Variants in ENOX1 observed in about 807,000 individuals in gnomAD.
ENOX1 encodes the protein candidate growth-related and time keeping constitutive hydroquinone (NADH) oxidase.
In ENOX1, 42 loss-of-function variants were observed where a neutral mutation model predicts 82.5. The observed-to-expected ratio is 0.51, with a 90% CI of 0.40 to 0.66. The LOEUF (loss-of-function observed/expected upper bound fraction) is 0.66. ENOX1 is among the 30% of genes least tolerant of loss of function. ENOX1 has a pLI of 0.00. For missense variants in ENOX1, 608 were observed against 811.6 expected (o/e 0.75, Z 3.05); for synonymous variants, 271 against 282.2 (o/e 0.96, Z 0.40).
intron 1 of ENOX1, among the ~76,000 whole-genome samples, chr13:43,714,616 T>C (rs572235046): frequency 6.6e-6 from 1 of 152,358 alleles, no homozygotes; most frequent in African/African-American, 2.4e-5. Flanking sequence ...GGTGCATATA[T>C]ATTTAGGACA....
chr13:43,729,020 A>AAT (rs2089165435), intron 1 of ENOX1, among the ~76,000 whole-genome samples: 1 of 152,198 alleles, frequency 6.6e-6, no homozygotes, highest in Admixed American at 6.5e-5. Context: ...TTTGATCAAT[A>AAT]ATAATAACCA....
chr13:43,634,532 T>C (rs899809502), intron 2 of ENOX1, among the ~76,000 whole-genome samples: 5 of 152,162 alleles, frequency 3.3e-5, no homozygotes, highest in Non-Finnish European at 7.3e-5. Context: ...TGCAACAATA[T>C]ATGGAACAGG....
At chr13:43,286,471 A>C (rs769923715) in intron 12 of ENOX1, among the ~76,000 whole-genome samples, 5 of 152,206 alleles carry the variant, frequency 3.3e-5, no homozygotes, top group Non-Finnish European at 7.3e-5. Flanking sequence ...ATGGAAGTCT[A>C]CTGGAGAGTC....
chr13:43,683,158 G>T (rs1298174833), intron 1 of ENOX1, among the ~76,000 whole-genome samples: 1 of 152,124 alleles, frequency 6.6e-6, no homozygotes, highest in Non-Finnish European at 1.5e-5. Flanking sequence ...AAGACTGACT[G>T]TTGTGTAGTA....
chr13:43,784,139 T>C (rs1190608566), intron 1 of ENOX1, among the ~76,000 whole-genome samples: 1 of 152,222 alleles, frequency 6.6e-6, no homozygotes, highest in Non-Finnish European at 1.5e-5. Flanking sequence ...CAATAACATA[T>C]ATACGAATAA....
chr13:43,602,895 T>C (rs1442680235), intron 2 of ENOX1, among the ~76,000 whole-genome samples: 1 of 152,140 alleles, frequency 6.6e-6, no homozygotes, highest in Non-Finnish European at 1.5e-5. Flanking sequence ...ATGGAAACAA[T>C]TGACAGTGTA....
At chr13:43,393,253 ATGGGTAT>A (rs2052911986) in intron 5 of ENOX1, among the ~76,000 whole-genome samples, 2 of 152,214 alleles carry the variant, frequency 1.3e-5, no homozygotes, top group South Asian at 4.1e-4. Context: ...GCTACCTGCT[ATGGGTAT>A]TTAGGCCTAA....
intron 3 of ENOX1, among the ~76,000 whole-genome samples, chr13:43,421,459 C>A (rs1290516589): frequency 1.3e-5 from 2 of 152,118 alleles, no homozygotes; most frequent in Admixed American, 1.3e-4. Context: ...AGTTACATCC[C>A]AATGGAGTTA....
At chr13:43,367,308 C>G (rs2050913869) in intron 5 of ENOX1, among the ~76,000 whole-genome samples, 1 of 152,172 alleles carries the variant, frequency 6.6e-6, no homozygotes, top group Non-Finnish European at 1.5e-5. Flanking sequence ...TATTATTATA[C>G]TTTTAACATA....
chr13:43,569,476 C>G (rs1173658839), intron 2 of ENOX1, among the ~76,000 whole-genome samples: 2 of 152,070 alleles, frequency 1.3e-5, no homozygotes, highest in African/African-American at 2.4e-5. Context: ...GGCTCAGAGA[C>G]CTATGTTCTC....
At chr13:43,445,010 T>C (rs553628781) in intron 3 of ENOX1, among the ~76,000 whole-genome samples, 4 of 152,290 alleles carry the variant, frequency 2.6e-5, no homozygotes, top group Admixed American at 2.6e-4. Context: ...TTTTCTCAAG[T>C]AAGAATGAGA....
intron 3 of ENOX1, among the ~76,000 whole-genome samples, chr13:43,465,854 C>T (rs1998473): frequency 0.46 from 69,381 of 151,972 alleles, 16,252 homozygotes; most frequent in Non-Finnish European, 0.5. Flanking sequence ...ACCTGGCTTG[C>T]ACCACCTACC....
At chr13:43,233,781 T>C (rs987017674) in intron 15 of ENOX1, among the ~76,000 whole-genome samples, 6 of 152,224 alleles carry the variant, frequency 3.9e-5, no homozygotes, top group African/African-American at 1.4e-4. Context: ...ATGAAGATTT[T>C]GCCAATTAAT....
chr13:43,652,170 T>G (rs2084220600), intron 2 of ENOX1, among the ~76,000 whole-genome samples: 2 of 151,966 alleles, frequency 1.3e-5, no homozygotes, highest in South Asian at 4.2e-4. Context: ...TACAGGTCAC[T>G]TTTTTGGAGG....
intron 3 of ENOX1, among the ~76,000 whole-genome samples, chr13:43,414,377 T>A (rs772597725): frequency 6.6e-6 from 1 of 152,338 alleles, no homozygotes; most frequent in African/African-American, 2.4e-5. Context: ...ATTCTAACTT[T>A]GGAAGCAAAT....
At chr13:43,236,607 A>G in intron 15 of ENOX1, 29 bp downstream of exon 15, 3 of 1,360,248 alleles carry the variant, frequency 2.2e-6, no homozygotes, top group Non-Finnish European at 2.0e-6. Context: ...TATTTAAGAG[A>G]ACAGATGAAG....
chr13:43,436,794 AAC>A (rs1355952817), intron 3 of ENOX1, among the ~76,000 whole-genome samples: 5 of 152,188 alleles, frequency 3.3e-5, no homozygotes, highest in Admixed American at 1.3e-4. Context: ...GTGTGATATA[AAC>A]ACACAGGTAT....
chr13:43,698,502 A>G lies in ENOX1; in HGVS notation c.-284-30958T>C, dbSNP rs529544400. 7.7e-4 allele frequency among the ~76,000 whole-genome samples: 118 copies of G among 152,346 alleles called. 3 individuals are homozygous for G. The highest frequency in any genetic ancestry group is 2.8e-3 in the African/African-American group (115 of 41,576). On this transcript the variant is annotated intron_variant, in intron 1 of 16. Coordinates refer to ENST00000690772, the MANE Select transcript of ENOX1 (RefSeq NM_001347969.2). ...TAAAACTCAGTGGTTATAAAAATAGACTGTGAGCTAAAACTTAAACAATTA... is the reference window on the plus strand; with the variant it reads ...TAAAACTCAGTGGTTATAAAAATAGGCTGTGAGCTAAAACTTAAACAATTA...
intron 2 of ENOX1, among the ~76,000 whole-genome samples, chr13:43,655,308 CA>C (rs1353507589): frequency 7.2e-5 from 11 of 152,178 alleles, no homozygotes; most frequent in African/African-American, 2.2e-4. Context: ...ACCTGTTCCA[CA>C]AGGCATTTGG....
Sources: allele counts gnomAD v4.1 joint callset (sites outside exome capture counted in the v4.1 genomes callset), GRCh38; gene constraint gnomAD v4.1.1; transcripts MANE v1.5; gene names NCBI Gene and HGNC (gene_info 2026-07-23, HGNC 2026-07-21).